MLLT3: variants seen among roughly 807,000 people sequenced by gnomAD.
MLLT3 encodes MLLT3 super elongation complex subunit.
Under a neutral mutation model 53.2 loss-of-function variants are expected in MLLT3, and 4 were observed. The observed-to-expected ratio is 0.08, with a 90% CI of 0.04 to 0.17. The LOEUF is 0.17. MLLT3 is among the 10% of genes least tolerant of loss of function. MLLT3 has a pLI of 1.00. For synonymous variants in MLLT3, 283 were observed against 230.6 expected (o/e 1.23, Z -2.06); for missense variants, 569 against 684.0 (o/e 0.83, Z 1.87).
chr9:20,475,589 T>C (rs867619361), intron 2 of MLLT3, among the ~76,000 whole-genome samples: 6 of 152,158 alleles, frequency 3.9e-5, no homozygotes, highest in African/African-American at 7.2e-5. Context: ...ATCAGAAATA[T>C]ATTATTTATA....
chr9:20,341,881 C>CA lies in MLLT3; in HGVS notation c.*4561dup, dbSNP rs1367471384. 4 of 204,260 alleles carry CA rather than the reference C, an allele frequency of 2.0e-5. No homozygotes were observed. Among genetic ancestry groups the CA allele is most frequent in the South Asian group, 1.9e-4 (1 of 5,252 alleles). The allele number at this position is 204,260 out of a possible 1,614,324, so 12.7% of individuals were successfully genotyped here. A position where few individuals can be genotyped will look rare whatever the true frequency, so the allele number is the denominator to read the frequency against. On this transcript the variant is annotated 3_prime_UTR_variant, in exon 11 of 11. Coordinates refer to ENST00000380338, the MANE Select transcript of MLLT3 (RefSeq NM_004529.4). Reference sequence around the variant, plus strand: ...CGGGCACACATAGCCCAGTTTATGCCAAAAAATGTATCCCACCACTTCTTG... The same window carrying CA: ...CGGGCACACATAGCCCAGTTTATGCCAAAAAAATGTATCCCACCACTTCTTG...
chr9:20,591,486 T>G (rs1456630958), intron 2 of MLLT3, among the ~76,000 whole-genome samples: 1 of 152,152 alleles, frequency 6.6e-6, no homozygotes, highest in Admixed American at 6.6e-5. Context: ...TAAACAGATA[T>G]GTTAAAAACC....
intron 2 of MLLT3, among the ~76,000 whole-genome samples, chr9:20,574,608 G>A (rs1250913422): frequency 1.3e-5 from 2 of 152,178 alleles, no homozygotes; most frequent in African/African-American, 4.8e-5. Flanking sequence ...AAATGCTAAT[G>A]ATCATCTGGG....
intron 8 of MLLT3, among the ~76,000 whole-genome samples, chr9:20,356,823 G>A (rs1821182314): frequency 6.6e-6 from 1 of 152,210 alleles, no homozygotes; most frequent in African/African-American, 2.4e-5. Context: ...CTACAGCACA[G>A]AAGGCCAAAA....
chr9:20,418,982 A>C (rs1822943567), intron 4 of MLLT3, among the ~76,000 whole-genome samples: 1 of 152,158 alleles, frequency 6.6e-6, no homozygotes, highest in Non-Finnish European at 1.5e-5. Context: ...TGTACCTTTC[A>C]TCACTTATAG....
At chr9:20,497,799 CT>C (rs1191441596) in intron 2 of MLLT3, among the ~76,000 whole-genome samples, 1 of 152,090 alleles carries the variant, frequency 6.6e-6, no homozygotes, top group Non-Finnish European at 1.5e-5. Context: ...TGGATATATA[CT>C]TTCAATTCTC....
Position 20,619,763 on chromosome 9 carries a change from C to G in MLLT3, c.193+891G>C, listed in dbSNP as rs78999334. ...TTAAATTTCTTTCAAAATGACACTC[C>G]GTTTCTTTTTTCCAAAACTGTCCTG... On this transcript the variant is annotated intron_variant, in intron 2 of 10. Transcript: ENST00000380338. Among the ~76,000 whole-genome samples, 1,149 of 152,224 alleles carry G rather than the reference C, an allele frequency of 7.5e-3. 24 individuals carry two copies. The highest frequency in any genetic ancestry group is 0.027 in the African/African-American group (1,112 of 41,514).
At chr9:20,573,003 C>T (rs1299952336) in intron 2 of MLLT3, among the ~76,000 whole-genome samples, 7 of 152,076 alleles carry the variant, frequency 4.6e-5, no homozygotes, top group Non-Finnish European at 7.3e-5. Flanking sequence ...AAATGAAGTA[C>T]CTCCAGATTA....
chr9:20,358,386 C>G (rs1162928343), intron 8 of MLLT3, among the ~76,000 whole-genome samples: 1 of 152,214 alleles, frequency 6.6e-6, no homozygotes, highest in African/African-American at 2.4e-5. Flanking sequence ...ACACATAATA[C>G]AGTATTATTG....
In MLLT3 at chr9:20,597,467, A is replaced by C. The variant is rs577509370; in HGVS notation, c.193+23187T>G. ...AATTTGTATAGACATCATATTAAAAATCTGAATAAGATTTCCTTTACAACA... is the reference window on the plus strand; with the variant it reads ...AATTTGTATAGACATCATATTAAAACTCTGAATAAGATTTCCTTTACAACA... On this transcript the variant is annotated intron_variant, in intron 2 of 10. Coordinates refer to ENST00000380338, the MANE Select transcript of MLLT3 (RefSeq NM_004529.4). Among the ~76,000 whole-genome samples, 73 of 152,330 alleles carry C rather than the reference A, an allele frequency of 4.8e-4. 1 individual carries two copies. Among genetic ancestry groups the C allele is most frequent in the Middle Eastern group, 3.4e-3 (1 of 294 alleles).
At chr9:20,457,238 CTTTTTTTTTTTT>C (rs769037689) in intron 2 of MLLT3, among the ~76,000 whole-genome samples, 7 of 63,738 alleles carry the variant, frequency 1.1e-4, no homozygotes, top group African/African-American at 1.8e-4. Flanking sequence ...ACAAGGACAT[CTTTTTTTTTTTT>C]TTTTTTTTTT....
intron 2 of MLLT3, among the ~76,000 whole-genome samples, chr9:20,510,940 A>G (rs560970813): frequency 1.9e-4 from 29 of 152,318 alleles, no homozygotes; most frequent in Admixed American, 3.9e-4. Context: ...AATACCAGAA[A>G]GGCTAAATAA....
intron 2 of MLLT3, among the ~76,000 whole-genome samples, chr9:20,544,971 T>C (rs1214055952): frequency 6.6e-6 from 1 of 151,846 alleles, no homozygotes; most frequent in Non-Finnish European, 1.5e-5. Flanking sequence ...TAGTCCTAGC[T>C]ACAGGCTAGG....
At chr9:20,459,933 C>G (rs1824068655) in intron 2 of MLLT3, among the ~76,000 whole-genome samples, 1 of 152,044 alleles carries the variant, frequency 6.6e-6, no homozygotes, top group Non-Finnish European at 1.5e-5. Context: ...GCTAGAAAAT[C>G]AGTAGCCATG....
At chr9:20,601,085 G>T (rs1308006420) in intron 2 of MLLT3, among the ~76,000 whole-genome samples, 1 of 152,188 alleles carries the variant, frequency 6.6e-6, no homozygotes, top group Non-Finnish European at 1.5e-5. Context: ...AGGGGCTGGG[G>T]TTTGGAGGCA....
intron 2 of MLLT3, among the ~76,000 whole-genome samples, chr9:20,610,587 T>C (rs764842423): frequency 4.6e-5 from 7 of 152,134 alleles, no homozygotes; most frequent in East Asian, 3.8e-4. Flanking sequence ...CCTGCCTTTA[T>C]ACGGTTGCCA....
chr9:20,545,179 C>A lies in MLLT3; in HGVS notation c.193+75475G>T, dbSNP rs79528064. On this transcript the variant is annotated intron_variant, in intron 2 of 10. Transcript: ENST00000380338. ...AGGTAGGAGGAGCAACCTAAAAGTT[C>A]ATTGAAAGATAAATAAACAAAATGT... is the stretch of plus-strand genomic sequence containing the variant. Among the ~76,000 whole-genome samples the A allele has an allele frequency of 3.2e-3, 470 of 145,866 alleles. 1 individual carries two copies. The highest frequency in any genetic ancestry group is 0.011 in the African/African-American group (439 of 39,852).
At chr9:20,465,409 A>G (rs1824210985) in intron 2 of MLLT3, among the ~76,000 whole-genome samples, 1 of 152,126 alleles carries the variant, frequency 6.6e-6, no homozygotes, top group Admixed American at 6.5e-5. Flanking sequence ...ATATTCTCTT[A>G]CCTAACATGA....
chr9:20,619,790 C>T (rs1820943642), intron 2 of MLLT3, among the ~76,000 whole-genome samples: 1 of 152,222 alleles, frequency 6.6e-6, no homozygotes, highest in South Asian at 2.1e-4. Flanking sequence ...ACTGTCCTGC[C>T]CATTATGGAA....
Sources: gnomAD v4.1 joint callset for allele counts (sites outside exome capture counted in the v4.1 genomes callset) on GRCh38, gnomAD v4.1.1 for gene constraint, MANE v1.5 for transcripts, NCBI Gene and HGNC (gene_info 2026-07-23, HGNC 2026-07-21) for gene names.